The following PREX2 variants were observed in gnomAD, a reference collection of about 807,000 sequenced individuals.
The protein encoded by PREX2 is phosphatidylinositol-3,4,5-trisphosphate dependent Rac exchange factor 2, also known as phosphatidylinositol 3,4,5-trisphosphate-dependent Rac exchanger 2 protein.
PREX2 carries 107 observed loss-of-function variants against 203.2 expected under a neutral mutation model. The ratio of observed to expected loss-of-function variants is 0.53; its 90% confidence interval spans 0.45 to 0.62. The LOEUF (loss-of-function observed/expected upper bound fraction) is 0.62. Ranked by LOEUF, PREX2 falls within the 20% of genes least tolerant of loss-of-function variation. The pLI is 0.00. For synonymous variants in PREX2, 672 were observed against 663.6 expected (o/e 1.01, Z -0.19); for missense variants, 1,777 against 1,955.9 (o/e 0.91, Z 1.72).
chr8:68,174,673 A>G (rs1764987357), intron 35 of PREX2, among the ~76,000 whole-genome samples: 1 of 152,150 alleles, frequency 6.6e-6, no homozygotes, highest in South Asian at 2.1e-4. Context: ...TATGCTTTAT[A>G]TACTTTTTGT....
At chr8:68,046,964 T>C (rs1808370631) in intron 8 of PREX2, among the ~76,000 whole-genome samples, 1 of 152,032 alleles carries the variant, frequency 6.6e-6, no homozygotes, top group Non-Finnish European at 1.5e-5. Flanking sequence ...CCCAATAGCA[T>C]TTCAGATGAT....
intron 35 of PREX2, among the ~76,000 whole-genome samples, chr8:68,172,947 ATCT>A (rs1257837449): frequency 6.6e-6 from 1 of 152,200 alleles, no homozygotes; most frequent in Non-Finnish European, 1.5e-5. Flanking sequence ...TTTCAAATGT[ATCT>A]TCTTGCAGAA....
At chr8:67,991,058 C>T (rs573254577) in intron 1 of PREX2, among the ~76,000 whole-genome samples, 4 of 152,258 alleles carry the variant, frequency 2.6e-5, no homozygotes, top group South Asian at 4.1e-4. Flanking sequence ...TTGTATGTGT[C>T]GGTGAGTTTT....
chr8:68,039,401 A>G (rs1184327351), intron 7 of PREX2, among the ~76,000 whole-genome samples: 1 of 152,072 alleles, frequency 6.6e-6, no homozygotes, highest in Non-Finnish European at 1.5e-5. Flanking sequence ...CTTTAATGTT[A>G]TTATACCCCA....
chr8:68,091,485 T>C (rs185346983), intron 20 of PREX2, among the ~76,000 whole-genome samples: 11 of 152,326 alleles, frequency 7.2e-5, no homozygotes, highest in Admixed American at 5.9e-4. Flanking sequence ...CATTTCTGGA[T>C]TGGATTTGAG....
intron 1 of PREX2, among the ~76,000 whole-genome samples, chr8:67,993,092 AT>A: frequency 6.6e-6 from 1 of 152,242 alleles, no homozygotes; most frequent in East Asian, 1.9e-4. Context: ...TGAGGAAGAA[AT>A]GGTTATTTTA....
intron 17 of PREX2, among the ~76,000 whole-genome samples, chr8:68,081,276 A>G (rs1271945847): frequency 6.6e-6 from 1 of 152,130 alleles, no homozygotes; most frequent in African/African-American, 2.4e-5. Context: ...TGAGAATGTA[A>G]TGCCACGGCT....
At chr8:68,158,733 C>T (rs1176350964) in intron 35 of PREX2, among the ~76,000 whole-genome samples, 2 of 152,120 alleles carry the variant, frequency 1.3e-5, no homozygotes, top group Non-Finnish European at 2.9e-5. Flanking sequence ...TTTAATGTCT[C>T]TCTGGGCCTG....
intron 39 of PREX2, among the ~76,000 whole-genome samples, chr8:68,229,990 T>C (rs141786141): frequency 6.6e-6 from 1 of 152,354 alleles, no homozygotes; most frequent in Non-Finnish European, 1.5e-5. Context: ...ATAAGCTTCT[T>C]CTGATGTGAG....
At chr8:68,146,897 A>G (rs1036670342) in intron 34 of PREX2, among the ~76,000 whole-genome samples, 1 of 152,188 alleles carries the variant, frequency 6.6e-6, no homozygotes, top group African/African-American at 2.4e-5. Context: ...AAGAGTGACT[A>G]TCAACATCTG....
At chr8:68,159,259 T>G (rs562971480) in intron 35 of PREX2, among the ~76,000 whole-genome samples, 65 of 152,336 alleles carry the variant, frequency 4.3e-4, no homozygotes, top group African/African-American at 1.4e-3. Context: ...TCTGAAACAT[T>G]TTTTCTTTAT....
intron 4 of PREX2, among the ~76,000 whole-genome samples, chr8:68,024,557 T>C (rs2129610347): frequency 6.6e-6 from 1 of 152,112 alleles, no homozygotes; most frequent in Middle Eastern, 3.4e-3. Flanking sequence ...CTTTAAAATG[T>C]CTCTAGAAGA....
rs74806068 is a variant in PREX2 at position 68,071,587 on chromosome 8, T to C, written c.1494-908T>C. 3.3e-3 allele frequency among the ~76,000 whole-genome samples: 510 copies of C among 152,314 alleles called. 3 individuals carry two copies. The highest frequency in any genetic ancestry group is 0.012 in the African/African-American group (488 of 41,582). Reference sequence around the variant, plus strand: ...CCAGGTTTGGAAAATAAATGAATTATAGGTTTCTGCCCTTGGGTATTCAGT... The same window carrying C: ...CCAGGTTTGGAAAATAAATGAATTACAGGTTTCTGCCCTTGGGTATTCAGT... On this transcript the variant is annotated intron_variant, in intron 13 of 39. Transcript: ENST00000288368.
chr8:68,148,672 T>G (rs1257207317), intron 34 of PREX2, among the ~76,000 whole-genome samples: 2 of 152,252 alleles, frequency 1.3e-5, no homozygotes, highest in African/African-American at 4.8e-5. Flanking sequence ...AAAGAAAAGC[T>G]ATAGCAAACA....
chr8:67,984,680 CCG>C (rs1279044206), intron 1 of PREX2, among the ~76,000 whole-genome samples: 1 of 152,206 alleles, frequency 6.6e-6, no homozygotes, highest in Non-Finnish European at 1.5e-5. Context: ...TGCAGGTCTG[CCG>C]GTTCCAGCTG....
intron 1 of PREX2, among the ~76,000 whole-genome samples, chr8:67,975,694 C>CTTTTTTTTTTTTTTTTTTTTTTTTT (rs67614434): frequency 2.7e-5 from 2 of 74,990 alleles, no homozygotes. Flanking sequence ...ATTTCTCTTT[C>CTTTTTTTTTTTTTTTTTTTTTTTTT]TTTTTTTTTT....
At chr8:68,186,620 T>C (rs1355364716) in intron 35 of PREX2, among the ~76,000 whole-genome samples, 1 of 152,064 alleles carries the variant, frequency 6.6e-6, no homozygotes, top group Non-Finnish European at 1.5e-5. Flanking sequence ...TTCAAGCAAT[T>C]CTCCTGCCTC....
At chr8:68,038,023 C>T in intron 6 of PREX2, 136 bp from the exon 7 acceptor site, 1 of 870,506 alleles carries the variant, frequency 1.1e-6, no homozygotes. Context: ...GTATAACTAT[C>T]TCTACTGCTT....
In PREX2 at chr8:68,232,967, A is replaced by T. The variant is rs932137429; in HGVS notation, c.*1589A>T. The T allele has an allele frequency of 1.3e-5, 2 of 152,194 alleles. No individual in the cohort carries two copies. Among genetic ancestry groups the T allele is most frequent in the African/African-American group, 4.8e-5 (2 of 41,460 alleles). 9.4% of individuals were successfully genotyped at this position (152,194 alleles called of 1,614,324 possible). A position where few individuals can be genotyped will look rare whatever the true frequency, so the allele number is the denominator to read the frequency against. On this transcript the variant is annotated 3_prime_UTR_variant, in exon 40 of 40. Transcript: ENST00000288368. ...ATTTGATCATGGTTTTCAAACTATT[A>T]TTAAAACCTTTATCATTAACCATTA...
Sources: allele counts gnomAD v4.1 joint callset (sites outside exome capture counted in the v4.1 genomes callset), GRCh38; gene constraint gnomAD v4.1.1; transcripts MANE v1.5; gene names NCBI Gene and HGNC (gene_info 2026-07-23, HGNC 2026-07-21).